Variants in EDEM2 observed in about 807,000 individuals in gnomAD.
EDEM2 encodes ER degradation enhancing alpha-mannosidase like protein 2, also known as ER degradation-enhancing alpha-mannosidase-like protein 2.
In EDEM2, 39 loss-of-function variants were observed where a neutral mutation model predicts 64.8. The observed-to-expected ratio is 0.60, with a 90% CI of 0.47 to 0.79. The LOEUF is 0.79. EDEM2 is among the 30% of genes least tolerant of loss of function. The probability of loss-of-function intolerance (pLI) is 0.00; values close to 1 mark genes in which losing one functional copy is unlikely to be tolerated. For missense variants in EDEM2, 609 were observed against 731.3 expected (o/e 0.83, Z 1.93); for synonymous variants, 296 against 291.5 (o/e 1.02, Z -0.16).
At chr20:35,145,097 C>T (rs2085711493) in intron 2 of EDEM2, 79 bp from the exon 3 acceptor site, 1 of 1,471,326 alleles carries the variant, frequency 6.8e-7, no homozygotes, top group Non-Finnish European at 9.4e-7. Flanking sequence ...ATCTGATCCC[C>T]CTAAAACTAA....
In EDEM2 at chr20:35,134,955, C is replaced by T. The variant is rs1293663393; in HGVS notation, c.491-6G>A. 1 of 1,613,478 alleles carries T rather than the reference C, an allele frequency of 6.2e-7. No individual in the cohort carries two copies. The highest frequency in any genetic ancestry group is 1.3e-5 in the African/African-American group (1 of 74,914). ...GCCAGTGGGGGTCTGAAAGGCTGAA[C>T]AATCGACAAATTATGATCCCGGACA... On this transcript the variant is annotated splice_region_variant and splice_polypyrimidine_tract_variant and intron_variant, in intron 5 of 10. Transcript: ENST00000374492.
intron 5 of EDEM2, among the ~76,000 whole-genome samples, chr20:35,135,260 C>T (rs779352148): frequency 6.6e-6 from 1 of 152,204 alleles, no homozygotes; most frequent in Non-Finnish European, 1.5e-5. Flanking sequence ...TTTTACACTA[C>T]GCCTTCAAAG....
chr20:35,127,306 G>A (rs1347286684), intron 7 of EDEM2, among the ~76,000 whole-genome samples: 1 of 152,162 alleles, frequency 6.6e-6, no homozygotes, highest in Non-Finnish European at 1.5e-5. Context: ...GTAATGTTAG[G>A]TATCTGTGGA....
At chr20:35,126,878 C>A (rs1319139407) in intron 7 of EDEM2, among the ~76,000 whole-genome samples, 2 of 152,158 alleles carry the variant, frequency 1.3e-5, no homozygotes, top group Non-Finnish European at 2.9e-5. Flanking sequence ...CACCATTGCA[C>A]TCCAGCCTGG....
At chr20:35,130,030 T>C (rs187846272) in intron 7 of EDEM2, among the ~76,000 whole-genome samples, 65 of 152,282 alleles carry the variant, frequency 4.3e-4, no homozygotes, top group South Asian at 2.1e-4. Flanking sequence ...TGTTTTCCTA[T>C]ACATACACAT....
chr20:35,145,003 T>C lies in EDEM2; in HGVS notation c.234A>G (p.Leu78=). ...HDTWGSFSLT[L]IDALDTLLIL... ...CCAGCAAGGTGTCCAGTGCATCAAT[T>C]AGAGTCAGAGAAAAACTGCAAAAGG... Residue 78 remains leucine, a synonymous_variant, in exon 3 of 11, where the codon CTA becomes CTG. Transcript: ENST00000374492. The C allele has an allele frequency of 6.2e-7, 1 of 1,614,044 alleles. No homozygotes were observed. Among genetic ancestry groups the C allele is most frequent in the Non-Finnish European group, 8.5e-7 (1 of 1,179,970 alleles).
chr20:35,128,138 C>T (rs2085459383), intron 7 of EDEM2, among the ~76,000 whole-genome samples: 1 of 152,190 alleles, frequency 6.6e-6, no homozygotes, highest in South Asian at 2.1e-4. Context: ...GTAATCCCAG[C>T]ACTTTGGGAG....
chr20:35,134,630 C>T, intron 6 of EDEM2, 108 bp downstream of exon 6: 1 of 1,274,830 alleles, frequency 7.8e-7, no homozygotes, highest in Non-Finnish European at 1.1e-6. Flanking sequence ...AATCCTGGAC[C>T]ACTCCCAAGG....
rs200458088 is a variant in EDEM2, at chr20:35,115,557, T to C, written c.1613A>G (p.Glu538Gly). ...CCTCTCCCTTGCCTGGTCATGGTTTTCTGGTGAGAAGAGTGTTCCTGGCCT... is the reference window on the plus strand; with the variant it reads ...CCTCTCCCTTGCCTGGTCATGGTTTCCTGGTGAGAAGAGTGTTCCTGGCCT... ...PARPGTLFSP[E>G]NHDQARERKP... Residue 538 changes from glutamate (E) to glycine (G), a missense_variant, in exon 11 of 11, where the codon GAA (glutamate) becomes GGA (glycine). Physicochemically the swap from Glu to Gly is moderately conservative, Grantham distance 98. Transcript: ENST00000374492. 4 of 1,614,174 alleles carry C rather than the reference T, an allele frequency of 2.5e-6. No individual in the cohort carries two copies. The Admixed American group carries it at 6.7e-5, about 27-fold the overall frequency.
intron 4 of EDEM2, among the ~76,000 whole-genome samples, chr20:35,139,381 G>A (rs2146110903): frequency 6.7e-6 from 1 of 150,088 alleles, no homozygotes; most frequent in East Asian, 2.0e-4. Flanking sequence ...GGGCACGGTG[G>A]CTCATGCCTG....
intron 8 of EDEM2, among the ~76,000 whole-genome samples, 177 bp from the exon 9 acceptor site, chr20:35,124,211 A>G (rs1026553827): frequency 1.3e-5 from 2 of 152,216 alleles, no homozygotes; most frequent in African/African-American, 4.8e-5. Flanking sequence ...AGCCCCATCT[A>G]TAAAACGTAA....
intron 5 of EDEM2, among the ~76,000 whole-genome samples, chr20:35,135,809 G>C (rs891183135): frequency 6.6e-6 from 1 of 152,092 alleles, no homozygotes; most frequent in African/African-American, 2.4e-5. Context: ...TTATAGGTAG[G>C]GAAAACCATG....
chr20:35,125,346 C>T (rs1343778266), intron 8 of EDEM2, among the ~76,000 whole-genome samples: 1 of 151,832 alleles, frequency 6.6e-6, no homozygotes, highest in Non-Finnish European at 1.5e-5. Flanking sequence ...CAGGCATGTG[C>T]CACCACCCTA....
chr20:35,146,799 G>A (rs1205063864), intron 2 of EDEM2, 26 bp downstream of exon 2: 6 of 1,609,416 alleles, frequency 3.7e-6, no homozygotes, highest in South Asian at 2.2e-5. Flanking sequence ...GACCCTGGCC[G>A]CCCCTTGCCC....
intron 3 of EDEM2, among the ~76,000 whole-genome samples, chr20:35,144,752 A>G (rs1226375324): frequency 1.3e-5 from 2 of 152,230 alleles, no homozygotes; most frequent in East Asian, 3.8e-4. Context: ...TTCTCCGTAC[A>G]TAACAGGTCC....
rs550709370 is a variant in EDEM2 at position 35,145,138 on chromosome 20, A to T, written c.219-120T>A. On this transcript the variant is annotated intron_variant, in intron 2 of 10. Transcript: ENST00000374492. Reference sequence around the variant, plus strand: ...GCAAAGTAATGCCTCTGCCTGTCCCACTTACAGTCACAACAGAGAAACCAC... The same window carrying T: ...GCAAAGTAATGCCTCTGCCTGTCCCTCTTACAGTCACAACAGAGAAACCAC... 27 of 947,372 alleles carry T rather than the reference A, an allele frequency of 2.8e-5. No homozygotes were observed. In the South Asian group the frequency reaches 4.2e-4, roughly 15 times the overall value. The allele number at this position is 947,372 out of a possible 1,614,324, so 58.7% of individuals were successfully genotyped here.
chr20:35,141,631 A>C (rs1400185167), intron 4 of EDEM2, among the ~76,000 whole-genome samples: 3 of 152,224 alleles, frequency 2.0e-5, no homozygotes, highest in Non-Finnish European at 4.4e-5. Flanking sequence ...CAGAGGTGAC[A>C]GCTGTTAAGT....
chr20:35,126,632 G>A (rs1020361107), intron 7 of EDEM2, among the ~76,000 whole-genome samples: 12 of 152,150 alleles, frequency 7.9e-5, no homozygotes, highest in African/African-American at 1.9e-4. Flanking sequence ...AAATGGGGAG[G>A]CCAGGCGTGG....
chr20:35,142,243 C>G, intron 4 of EDEM2, 130 bp downstream of exon 4: 1 of 693,462 alleles, frequency 1.4e-6, no homozygotes, highest in South Asian at 1.7e-5. Flanking sequence ...AAGAAGAGCT[C>G]TGTCGGTCAG....
Sources: allele counts gnomAD v4.1 joint callset (sites outside exome capture counted in the v4.1 genomes callset), GRCh38; gene constraint gnomAD v4.1.1; transcripts MANE v1.5; gene names NCBI Gene and HGNC (gene_info 2026-07-23, HGNC 2026-07-21).